Variants in INO80 observed in about 807,000 individuals in gnomAD.
The protein encoded by INO80 is INO80 complex ATPase subunit, also known as chromatin-remodeling ATPase INO80.
In INO80, 20 loss-of-function variants were observed where a neutral mutation model predicts 203.4. The observed-to-expected ratio is 0.10, with a 90% CI of 0.07 to 0.14. The LOEUF (loss-of-function observed/expected upper bound fraction) is 0.14. Ranked by LOEUF, INO80 falls within the 10% of genes least tolerant of loss-of-function variation. The pLI is 1.00. For synonymous variants in INO80, 726 were observed against 685.2 expected (o/e 1.06, Z -0.93); for missense variants, 1,419 against 1,914.4 (o/e 0.74, Z 4.83).
At chr15:41,076,288 G>A (rs376630554) in intron 9 of INO80, among the ~76,000 whole-genome samples, 124 of 152,150 alleles carry the variant, frequency 8.1e-4, no homozygotes, top group African/African-American at 2.9e-3. Flanking sequence ...TTGAACCCAG[G>A]AGGAAAGGTT....
intron 25 of INO80, among the ~76,000 whole-genome samples, chr15:41,022,410 A>G (rs946674133): frequency 9.9e-5 from 15 of 152,204 alleles, no homozygotes; most frequent in African/African-American, 3.6e-4. Context: ...GGTACACATA[A>G]GGACCTCCTT....
intron 27 of INO80, among the ~76,000 whole-genome samples, chr15:41,006,528 A>AT (rs1453432917): frequency 6.6e-6 from 1 of 152,238 alleles, no homozygotes; most frequent in African/African-American, 2.4e-5. Flanking sequence ...CATTTGGGAA[A>AT]TGTTTGTGTT....
chr15:40,997,357 G>A (rs1282607852), intron 29 of INO80, among the ~76,000 whole-genome samples, 172 bp downstream of exon 29: 1 of 152,170 alleles, frequency 6.6e-6, no homozygotes, highest in African/African-American at 2.4e-5. Flanking sequence ...TCTAGTTCCA[G>A]TCAAAGAGCA....
At chr15:41,031,478 A>G (rs1430873344) in intron 24 of INO80, among the ~76,000 whole-genome samples, 2 of 116,142 alleles carry the variant, frequency 1.7e-5, no homozygotes, top group African/African-American at 6.7e-5. Flanking sequence ...GGAGGGAGAG[A>G]AGGAGAGAGG....
chr15:41,051,347 T>C (rs1285755324), intron 19 of INO80, among the ~76,000 whole-genome samples: 2 of 151,826 alleles, frequency 1.3e-5, no homozygotes, highest in African/African-American at 4.8e-5. Context: ...AACTCATCAT[T>C]TGAAACCTAG....
intron 27 of INO80, among the ~76,000 whole-genome samples, chr15:41,013,535 A>G (rs2925342): frequency 0.46 from 69,711 of 152,100 alleles, 17,774 homozygotes; most frequent in East Asian, 0.7. Flanking sequence ...CAATATGTTT[A>G]TATTTCAATC....
At chr15:41,047,529 C>T (rs765595343) in intron 22 of INO80, 28 bp from the exon 23 acceptor site, 1 of 1,470,458 alleles carries the variant, frequency 6.8e-7, no homozygotes, top group Non-Finnish European at 9.5e-7. Flanking sequence ...ATTTGAAACC[C>T]AACAGCAAAC....
rs1400764414 is a variant in INO80 at position 41,058,631 on chromosome 15, C to T, written c.1985+8G>A. 2 of 1,611,426 alleles carry T rather than the reference C, an allele frequency of 1.2e-6. No homozygotes were observed. Among genetic ancestry groups the T allele is most frequent in the South Asian group, 2.2e-5 (2 of 90,838 alleles). On this transcript the variant is annotated splice_region_variant and intron_variant, in intron 16 of 35. Transcript: ENST00000648947. The stretch of plus-strand genomic sequence containing the variant: ...TGCATTGAGTTTGGTTTCTACTACT[C>T]ATGTTACCTGGAACTACTCTTGAGC...
chr15:41,022,344 A>G (rs531994017), intron 25 of INO80, among the ~76,000 whole-genome samples: 1 of 152,314 alleles, frequency 6.6e-6, no homozygotes, highest in South Asian at 2.1e-4. Context: ...TGATCTTGCT[A>G]TTAACTTTTC....
At chr15:41,003,824 A>G (rs904518644) in intron 28 of INO80, among the ~76,000 whole-genome samples, 4 of 152,222 alleles carry the variant, frequency 2.6e-5, no homozygotes, top group African/African-American at 7.2e-5. Flanking sequence ...GGCTTTTCTC[A>G]TAATTCACAA....
At chr15:40,985,484 T>A in intron 31 of INO80, 58 bp from the exon 32 acceptor site, 3 of 1,250,364 alleles carry the variant, frequency 2.4e-6, no homozygotes, top group Non-Finnish European at 3.5e-6. Context: ...TAATCCTCAC[T>A]CTCTTAATTA....
intron 11 of INO80, 84 bp from the exon 12 acceptor site, chr15:41,072,142 T>C: frequency 1.1e-6 from 1 of 877,940 alleles, no homozygotes; most frequent in South Asian, 1.8e-5. Context: ...TAACAATATA[T>C]CTACCCTGTG....
chr15:41,000,727 AAAAG>A (rs1306782845), intron 28 of INO80, among the ~76,000 whole-genome samples: 34 of 150,216 alleles, frequency 2.3e-4, no homozygotes, highest in African/African-American at 2.4e-4. Flanking sequence ...AAAAAAAAAA[AAAAG>A]AAAGAAAAGA....
chr15:40,983,497 G>A (rs148997290), intron 34 of INO80, among the ~76,000 whole-genome samples: 308 of 152,318 alleles, frequency 2.0e-3, no homozygotes, highest in African/African-American at 6.9e-3. Flanking sequence ...ACAGCAAAGT[G>A]AGGAAAGGCC....
intron 29 of INO80, 76 bp from the exon 30 acceptor site, chr15:40,988,050 C>T: frequency 7.5e-7 from 1 of 1,334,958 alleles, no homozygotes; most frequent in Non-Finnish European, 1.0e-6. Flanking sequence ...AGCCAATTGT[C>T]TGTTTGCGAG....
At chr15:41,023,796 A>C (rs1463383356) in intron 25 of INO80, among the ~76,000 whole-genome samples, 1 of 145,646 alleles carries the variant, frequency 6.9e-6, no homozygotes, top group Non-Finnish European at 1.5e-5. Flanking sequence ...AAACAAAACG[A>C]AAAAAAGAAA....
At chr15:41,105,813 C>T (rs1170664575) in intron 1 of INO80, among the ~76,000 whole-genome samples, 1 of 152,116 alleles carries the variant, frequency 6.6e-6, no homozygotes, top group Non-Finnish European at 1.5e-5. Flanking sequence ...AACCCATTAA[C>T]GTGAAATGTT....
intron 1 of INO80, among the ~76,000 whole-genome samples, chr15:41,098,652 G>C (rs542986893): frequency 1.3e-5 from 2 of 151,706 alleles, no homozygotes; most frequent in African/African-American, 2.4e-5. Context: ...TCCAGCCTGG[G>C]TGACAAAAAA....
chr15:41,074,975 G>C (rs112560276), intron 9 of INO80, among the ~76,000 whole-genome samples: 1 of 152,014 alleles, frequency 6.6e-6, no homozygotes. Context: ...GAACTGAGGT[G>C]ATCCACTGGC....
Sources: gnomAD v4.1 joint callset for allele counts (sites outside exome capture counted in the v4.1 genomes callset) on GRCh38, gnomAD v4.1.1 for gene constraint, MANE v1.5 for transcripts, NCBI Gene and HGNC (gene_info 2026-07-23, HGNC 2026-07-21) for gene names.